SATL1: variants seen among roughly 807,000 people sequenced by gnomAD.
SATL1 encodes the protein spermidine/spermine N1-acetyl transferase like 1.
SATL1 carries 47 observed loss-of-function variants against 51.8 expected under a neutral mutation model. The observed-to-expected ratio is 0.91, with a 90% CI of 0.72 to 1.16. The LOEUF is 1.16. SATL1 is among the 50% of genes most tolerant of loss of function. The probability of loss-of-function intolerance (pLI) is 0.00; values close to 1 mark genes in which losing one functional copy is unlikely to be tolerated. For missense variants in SATL1, 520 were observed against 526.4 expected, an observed-to-expected ratio of 0.99 and a Z score of 0.12; for synonymous variants, 176 against 182.4, an observed-to-expected ratio of 0.97 and a Z score of 0.28.
chrX:85,107,477 G>T lies in SATL1; in HGVS notation c.1492C>A (p.Gln498Lys), dbSNP rs750460919. ...AGGCCTGGTTGGCTCAGCACTAATT[G>T]GTTCAGGTCTTGTTGGCTCAGGCCT... ...QPGLSQQDLN[Q>K]LVLSQPGLSQ... The change falls in exon 3 of 8, where the codon CAA becomes AAA. Residue 498 changes from glutamine (Q) to lysine (K), a missense_variant. By Grantham distance (53) the Gln-to-Lys change is moderately conservative. This residue lies in a region of SATL1 where 488 missense variants were observed against 474.3 expected (regional missense o/e 1.03). Coordinates refer to ENST00000644105, the MANE Select transcript of SATL1 (RefSeq NM_001367857.2). 1.6e-6 allele frequency: 2 copies of T among 1,212,399 alleles called. No homozygotes were observed. The highest frequency in any genetic ancestry group is 4.3e-5 in the Admixed American group (2 of 46,136).
chrX:85,184,433 C>G (rs906446867), intron 2 of SATL1, among the ~76,000 whole-genome samples: 1 of 111,595 alleles, frequency 9.0e-6, no homozygotes, highest in Non-Finnish European at 1.9e-5. Context: ...ATCTCTCTCT[C>G]TACCTCCTCT....
At chrX:85,240,064 T>A (rs776060928) in intron 1 of SATL1, among the ~76,000 whole-genome samples, 4 of 111,611 alleles carry the variant, frequency 3.6e-5, no homozygotes, top group Non-Finnish European at 5.7e-5. Context: ...AAATCACGTA[T>A]CTGATAAAGG....
chrX:85,217,586 C>T (rs1928075431), intron 2 of SATL1, among the ~76,000 whole-genome samples: 1 of 111,642 alleles, frequency 9.0e-6, no homozygotes, highest in East Asian at 2.8e-4. Flanking sequence ...CCCAACAAAG[C>T]TCTCACTGTA....
chrX:85,232,734 A>G (rs902395784), intron 1 of SATL1, among the ~76,000 whole-genome samples: 5 of 111,484 alleles, frequency 4.5e-5, no homozygotes, highest in Admixed American at 1.9e-4. Flanking sequence ...AAAAGTGTAT[A>G]TGACTTTGAC....
At chrX:85,134,371 G>A (rs1384307815) in intron 2 of SATL1, among the ~76,000 whole-genome samples, 1 of 111,570 alleles carries the variant, frequency 9.0e-6, no homozygotes, top group Non-Finnish European at 1.9e-5. Flanking sequence ...TAAATTGAAG[G>A]TAGAGGTGAA....
intron 2 of SATL1, among the ~76,000 whole-genome samples, chrX:85,172,882 G>T (rs999329413): frequency 1.8e-5 from 2 of 111,002 alleles, no homozygotes; most frequent in African/African-American, 6.5e-5. Context: ...ACCTCTATAA[G>T]ATGGGCATCT....
At chrX:85,233,018 G>C (rs1042585916) in intron 1 of SATL1, among the ~76,000 whole-genome samples, 1 of 112,280 alleles carries the variant, frequency 8.9e-6, no homozygotes, top group Admixed American at 9.4e-5. Context: ...CTTTAGGTTT[G>C]ATCCAGCACA....
intron 1 of SATL1, among the ~76,000 whole-genome samples, chrX:85,233,441 A>G (rs1489733062): frequency 2.7e-5 from 3 of 112,443 alleles, no homozygotes; most frequent in African/African-American, 9.7e-5. Flanking sequence ...AAACTAAATA[A>G]GGCACGAGTG....
intron 2 of SATL1, among the ~76,000 whole-genome samples, chrX:85,150,324 T>C (rs1926391472): frequency 9.0e-6 from 1 of 110,863 alleles, no homozygotes; most frequent in Non-Finnish European, 1.9e-5. Flanking sequence ...CAATAATCAA[T>C]AGCTTACCAA....
intron 2 of SATL1, among the ~76,000 whole-genome samples, chrX:85,200,886 A>G (rs1927673004): frequency 1.8e-5 from 2 of 111,034 alleles, no homozygotes; most frequent in Admixed American, 9.7e-5. Flanking sequence ...GTTACATAAA[A>G]TCAGTGCTGT....
intron 2 of SATL1, chrX:85,153,910 C>T (rs1353013718): frequency 9.0e-6 from 1 of 111,562 alleles, no homozygotes; most frequent in African/African-American, 3.3e-5. Context: ...TAGCTGACCA[C>T]TAGTAAGAAA....
Position 85,107,434 on chromosome X carries a change from C to G in SATL1, c.1535G>C (p.Ser512Thr). 8.2e-7 allele frequency: 1 copy of G among 1,212,357 alleles called. No individual in the cohort carries two copies. The highest frequency in any genetic ancestry group is 1.7e-5 in the African/African-American group (1 of 58,042). The stretch of plus-strand genomic sequence containing the variant: ...GCCCATTTGGCTCACACTTGGTTGG[C>G]TCCTGCCTGGTTGACTCAGGCCTGG... ...SQPGLSQPGR[S>T]QPSVSQMGMR... Residue 512 changes from serine (S) to threonine (T), a missense_variant, in exon 3 of 8, where the codon AGC becomes ACC. This residue lies in a region of SATL1 where 488 missense variants were observed against 474.3 expected (regional missense o/e 1.03). Coordinates refer to ENST00000644105, the MANE Select transcript of SATL1 (RefSeq NM_001367857.2).
rs35859225 is a variant in SATL1, at chrX:85,220,006, GAAA to G, written c.-313+4196_-313+4198del. 2.5e-4 allele frequency among the ~76,000 whole-genome samples: 20 copies of G among 80,278 alleles called. No individual in the cohort carries two copies. In the South Asian group the frequency reaches 3.0e-3, roughly 12 times the overall value. The allele number at this position is 80,278 out of a possible 115,157, so 69.7% of individuals were successfully genotyped here. On this transcript the variant is annotated intron_variant, in intron 2 of 7. Coordinates refer to ENST00000644105, the MANE Select transcript of SATL1 (RefSeq NM_001367857.2). The stretch of plus-strand genomic sequence containing the variant: ...TACTGAAAGAAATACTGAAGAGATA[GAAA>G]AAAAAAAAAAAACACCTTGAATCAC...
intron 2 of SATL1, among the ~76,000 whole-genome samples, chrX:85,147,957 G>T (rs1035285346): frequency 8.9e-6 from 1 of 112,165 alleles, no homozygotes; most frequent in Non-Finnish European, 1.9e-5. Context: ...ACCAGCAATG[G>T]AACAGAGTTG....
chrX:85,134,159 G>GTA (rs745334332), intron 2 of SATL1, among the ~76,000 whole-genome samples: 3,112 of 110,487 alleles, frequency 0.028, 125 homozygotes, highest in African/African-American at 0.096. Flanking sequence ...ATGTGTGTAT[G>GTA]TATATATATG....
chrX:85,241,295 G>A (rs73627337), intron 1 of SATL1, among the ~76,000 whole-genome samples: 2,154 of 110,257 alleles, frequency 0.02, 47 homozygotes, highest in African/African-American at 0.067. Flanking sequence ...GAAGGAGGGC[G>A]GGCAAGTGCT....
chrX:85,154,887 T>C (rs1926548873), intron 2 of SATL1, among the ~76,000 whole-genome samples: 1 of 112,121 alleles, frequency 8.9e-6, no homozygotes, highest in Non-Finnish European at 1.9e-5. Flanking sequence ...CGAATTAGCA[T>C]CTACATTAAA....
chrX:85,235,412 C>A (rs1928459781), intron 1 of SATL1, among the ~76,000 whole-genome samples: 1 of 111,323 alleles, frequency 9.0e-6, no homozygotes, highest in South Asian at 3.7e-4. Context: ...ACATTCTTCT[C>A]CTTAGCACAT....
intron 2 of SATL1, among the ~76,000 whole-genome samples, chrX:85,138,447 T>G (rs1334105807): frequency 1.8e-5 from 2 of 111,863 alleles, no homozygotes; most frequent in Non-Finnish European, 3.8e-5. Flanking sequence ...GATTTGGTAG[T>G]AAGGTATTGA....
Sources: allele counts gnomAD v4.1 joint callset (sites outside exome capture counted in the v4.1 genomes callset), GRCh38; gene constraint gnomAD v4.1.1; regional missense constraint gnomAD v4.1.1; transcripts MANE v1.5; gene names NCBI Gene and HGNC (gene_info 2026-07-23, HGNC 2026-07-21).